The following RECQL variants were observed in gnomAD, a reference collection of about 807,000 sequenced individuals.
RECQL encodes the protein ATP-dependent DNA helicase Q1.
Under a neutral mutation model 75.8 loss-of-function variants are expected in RECQL, and 73 were observed. The observed-to-expected ratio is 0.96, with a 90% CI of 0.80 to 1.17. The LOEUF (loss-of-function observed/expected upper bound fraction) is 1.17, where lower values mean the gene tolerates loss of function less well. RECQL is among the 50% of genes most tolerant of loss of function. RECQL has a pLI of 0.00. For missense variants in RECQL, 699 were observed against 772.1 expected (o/e 0.91, Z 1.12); for synonymous variants, 248 against 254.4 (o/e 0.97, Z 0.24).
rs754016839 is a variant in RECQL, at chr12:21,491,534, C to T, written c.199G>A (p.Ala67Thr). 2.9e-5 allele frequency: 47 copies of T among 1,593,664 alleles called. No homozygotes were observed. The East Asian group carries it at 4.7e-4, about 16-fold the overall frequency. The change falls in exon 3 of 15, where the codon GCT (alanine) becomes ACT (threonine). Residue 67 changes from alanine (A) to threonine (T), a missense_variant. Ala to Thr is a moderately conservative substitution (Grantham distance 58). Around this residue, in one of 2 missense-constraint regions of RECQL, gnomAD observed 669 missense variants for 713.5 expected, o/e 0.94. Transcript: ENST00000444129. ...ASNEYDSSPAAWNKEDFPWSG... is the reference protein window; with the variant it reads ...ASNEYDSSPATWNKEDFPWSG... ...AAAAGTTAACCTTCTTTATTCCAAG[C>T]GGCAGGTGAAGAATCATATTCATTG...
intron 2 of RECQL, among the ~76,000 whole-genome samples, chr12:21,495,407 T>C (rs2136770290): frequency 6.6e-6 from 1 of 152,132 alleles, no homozygotes; most frequent in South Asian, 2.1e-4. Context: ...CCATCCTGGC[T>C]AACATGGTGA....
intron 11 of RECQL, 62 bp downstream of exon 11, chr12:21,474,779 G>A (rs923067498): frequency 3.1e-5 from 46 of 1,500,002 alleles, no homozygotes; most frequent in East Asian, 1.6e-4. Flanking sequence ...ACTTAAAAAC[G>A]ATGTCATATA....
intron 12 of RECQL, among the ~76,000 whole-genome samples, chr12:21,473,146 G>A (rs1943013954): frequency 6.6e-6 from 1 of 152,004 alleles, no homozygotes; most frequent in Admixed American, 6.6e-5. Context: ...ATACAGTTTT[G>A]TGCCACATAA....
intron 2 of RECQL, among the ~76,000 whole-genome samples, chr12:21,497,773 C>T (rs993732155): frequency 6.6e-6 from 1 of 152,190 alleles, no homozygotes; most frequent in African/African-American, 2.4e-5. Flanking sequence ...AACAAAGTGC[C>T]TTCTGCAACA....
Position 21,471,478 on chromosome 12 carries a change from A to T in RECQL, c.1617T>A (p.Arg539=). 6.2e-7 allele frequency: 1 copy of T among 1,613,202 alleles called. No homozygotes were observed. The highest frequency in any genetic ancestry group is 8.5e-7 in the Non-Finnish European group (1 of 1,179,424). The change falls in exon 13 of 15, where the codon CGT becomes CGA. Residue 539 remains arginine (R), a synonymous_variant. Coordinates refer to ENST00000444129, the MANE Select transcript of RECQL (RefSeq NM_002907.4). ...VAGVVAPTLP[R]EDLEKIIAHF... is the part of the protein sequence containing the mutation. ...GTGCAATAATCTTCTCCAGATCTTC[A>T]CGAGGAAGTGTGGGAGCCACAACAC...
chr12:21,484,341 C>T (rs747585787), intron 5 of RECQL, among the ~76,000 whole-genome samples: 1 of 151,968 alleles, frequency 6.6e-6, no homozygotes, highest in Admixed American at 6.6e-5. Flanking sequence ...TTCTTTTTTT[C>T]TCTCTCCAAC....
Position 21,471,424 on chromosome 12 carries a change from A to C in RECQL, c.1667+4T>G. 6.2e-7 allele frequency: 1 copy of C among 1,607,008 alleles called. No homozygotes were observed. Among genetic ancestry groups the C allele is most frequent in the South Asian group, 1.1e-5 (1 of 90,090 alleles). ...GAAAGAATAATGAATGAGTTTGTAC[A>C]TACTTAAGATACTGCTGTATTAGAA... On this transcript the variant is annotated splice_donor_region_variant and intron_variant, in intron 13 of 14. Transcript: ENST00000444129.
intron 13 of RECQL, 25 bp downstream of exon 13, chr12:21,471,403 G>A (rs775388984): frequency 5.1e-6 from 8 of 1,572,664 alleles, no homozygotes; most frequent in Non-Finnish European, 6.1e-6. Context: ...CAACCTGAAA[G>A]AATAATGAAT....
In RECQL at chr12:21,473,089, T is replaced by C. The variant is rs1426541112; in HGVS notation, c.1447+462A>G. Among the ~76,000 whole-genome samples the C allele has an allele frequency of 3.9e-5, 6 of 152,174 alleles. 1 individual carries two copies. The South Asian group carries it at 1.2e-3, about 31-fold the overall frequency. On this transcript the variant is annotated intron_variant, in intron 12 of 14. Coordinates refer to ENST00000444129, the MANE Select transcript of RECQL (RefSeq NM_002907.4). ...AAAATCTGATTCACACTTTAATCTT[T>C]TAAATCCATTTGGAAGTCTAATACT... is the stretch of plus-strand genomic sequence containing the variant.
chr12:21,476,234 T>C (rs940285415), intron 8 of RECQL, among the ~76,000 whole-genome samples: 1 of 152,030 alleles, frequency 6.6e-6, no homozygotes, highest in African/African-American at 2.4e-5. Context: ...TAAATGGGTG[T>C]CTCTCTTTAT....
chr12:21,476,938 T>C lies in RECQL; in HGVS notation c.922A>G (p.Ile308Val). 6.2e-7 allele frequency: 1 copy of C among 1,608,578 alleles called. No individual in the cohort carries two copies. The highest frequency in any genetic ancestry group is 8.5e-7 in the Non-Finnish European group (1 of 1,177,058). ...GATTGCCCTTTGTATCTCCCATTAA[T>C]GAGCTTTACAATATCCTCAATAAAA... ...EDFIEDIVKL[I>V]NGRYKGQSGI... Residue 308 changes from isoleucine to valine, a missense_variant, in exon 8 of 15, where the codon ATT becomes GTT. By Grantham distance (29) the Ile-to-Val change is conservative (BLOSUM62 3). This residue lies in a region of RECQL where 669 missense variants were observed against 713.5 expected (regional missense o/e 0.94). Transcript: ENST00000444129.
In RECQL at chr12:21,501,608, T is replaced by A. The variant is rs917073728; in HGVS notation, c.-484A>T. 3.4e-5 allele frequency: 13 copies of A among 387,580 alleles called. No homozygotes were observed. The Admixed American group carries it at 3.5e-4, about 10-fold the overall frequency. The allele number at this position is 387,580 out of a possible 1,614,324, so 24.0% of individuals were successfully genotyped here. On this transcript the variant is annotated 5_prime_UTR_variant, in exon 1 of 15. The change creates a new upstream start codon in the 5' untranslated region. Coordinates refer to ENST00000444129, the MANE Select transcript of RECQL (RefSeq NM_002907.4). ...CTTTCCGCTACTCGGGAGTAAAATC[T>A]TCCCGCCAGCCAGCTGAGAGCATCC...
chr12:21,485,605 T>C (rs1351623896), intron 5 of RECQL, among the ~76,000 whole-genome samples: 4 of 152,042 alleles, frequency 2.6e-5, no homozygotes, highest in African/African-American at 7.2e-5. Context: ...TTCTAAAGAA[T>C]TGATTAAACT....
At chr12:21,496,657 C>A (rs1019737246) in intron 2 of RECQL, among the ~76,000 whole-genome samples, 1 of 152,162 alleles carries the variant, frequency 6.6e-6, no homozygotes, top group Non-Finnish European at 1.5e-5. Context: ...AATTCAGAGG[C>A]CTGACACCTT....
In RECQL at chr12:21,483,320, C is replaced by A. The variant is rs1040001680; in HGVS notation, c.700+56G>T. ...AAGCAGAGATTTCCATCATGCCAAG[C>A]TGAGTAAGGACACGGTCTATGACAT... On this transcript the variant is annotated intron_variant, in intron 6 of 14. Coordinates refer to ENST00000444129, the MANE Select transcript of RECQL (RefSeq NM_002907.4). The A allele has an allele frequency of 4.4e-6, 5 of 1,125,512 alleles. No homozygotes were observed. The Admixed American group carries it at 1.1e-4, about 25-fold the overall frequency. 69.7% of individuals were successfully genotyped at this position (1,125,512 alleles called of 1,614,324 possible). A position where few individuals can be genotyped will look rare whatever the true frequency, so the allele number is the denominator to read the frequency against.
Position 21,475,838 on chromosome 12 carries a change from T to A in RECQL, c.950-14A>T. On this transcript the variant is annotated splice_polypyrimidine_tract_variant and intron_variant, in intron 8 of 14. Transcript: ENST00000444129. ...AATATATGATTCCTGCAGTAAAATA[T>A]GTGCATTTGTTAGATAGATATGGCA... 1 of 1,602,896 alleles carries A rather than the reference T, an allele frequency of 6.2e-7. No homozygotes were observed. The highest frequency in any genetic ancestry group is 8.5e-7 in the Non-Finnish European group (1 of 1,171,722).
At chr12:21,473,133 T>A (rs1460151726) in intron 12 of RECQL, among the ~76,000 whole-genome samples, 1 of 152,162 alleles carries the variant, frequency 6.6e-6, no homozygotes, top group Non-Finnish European at 1.5e-5. Flanking sequence ...GTCCCAGCTG[T>A]ATATACAGTT....
At chr12:21,485,455 T>G (rs546509989) in intron 5 of RECQL, among the ~76,000 whole-genome samples, 1 of 151,926 alleles carries the variant, frequency 6.6e-6, no homozygotes, top group Admixed American at 6.6e-5. Flanking sequence ...ACAAAGAATT[T>G]GCATGGGAAA....
At position 21,470,093 on chromosome 12, in the gene RECQL, A is replaced by G; in HGVS notation, c.*101T>C. The G allele has an allele frequency of 9.3e-7, 1 of 1,071,174 alleles. No individual in the cohort carries two copies. Among genetic ancestry groups the G allele is most frequent in the South Asian group, 1.7e-5 (1 of 60,352 alleles). 66.4% of individuals were successfully genotyped at this position (1,071,174 alleles called of 1,614,324 possible). The stretch of plus-strand genomic sequence containing the variant: ...TGAAAATATAGATCCATACATATAA[A>G]ATATCTATGAAATTCTTTTAAAAAC... On this transcript the variant is annotated 3_prime_UTR_variant, in exon 15 of 15. Transcript: ENST00000444129.
Sources: gnomAD v4.1 joint callset for allele counts (sites outside exome capture counted in the v4.1 genomes callset) on GRCh38, gnomAD v4.1.1 for gene constraint, gnomAD v4.1.1 regional missense constraint, MANE v1.5 for transcripts, NCBI Gene and HGNC (gene_info 2026-07-23, HGNC 2026-07-21) for gene names.